MYO7A: variants seen among roughly 807,000 people sequenced by gnomAD.
MYO7A encodes myosin VIIA, also known as unconventional myosin-VIIa.
A neutral mutation model predicts 263.8 loss-of-function variants in MYO7A; 210 were observed. The observed-to-expected ratio is 0.80, with a 90% CI of 0.71 to 0.89. MYO7A has a LOEUF of 0.89. Ranked by LOEUF, MYO7A falls within the 40% of genes least tolerant of loss-of-function variation. The pLI, the probability that MYO7A is intolerant of heterozygous loss-of-function variation, is 0.00. For missense variants in MYO7A, 2,820 were observed against 2,968.3 expected (o/e 0.95, Z 1.16); for synonymous variants, 1,239 against 1,197.3 (o/e 1.03, Z -0.72).
chr11:77,171,263 G>T (rs1555075796), intron 15 of MYO7A, among the ~76,000 whole-genome samples: 1 of 152,098 alleles, frequency 6.6e-6, no homozygotes, highest in African/African-American at 2.4e-5. Flanking sequence ...GTGTGTGTGT[G>T]CATGCGTATG....
intron 1 of MYO7A, among the ~76,000 whole-genome samples, chr11:77,128,995 C>G (rs1280380481): frequency 3.3e-5 from 5 of 152,174 alleles, no homozygotes; most frequent in Admixed American, 3.3e-4. Flanking sequence ...AGTCTATGCC[C>G]CCTGTTGTCA....
intron 34 of MYO7A, 87 bp downstream of exon 34, chr11:77,198,708 C>A: frequency 6.4e-7 from 1 of 1,571,480 alleles, no homozygotes; most frequent in Non-Finnish European, 8.6e-7. Flanking sequence ...AGTGAAGAGG[C>A]ATGAAGTGGC....
At chr11:77,184,333 G>C (rs1000052538) in intron 26 of MYO7A, among the ~76,000 whole-genome samples, 1 of 152,174 alleles carries the variant, frequency 6.6e-6, no homozygotes, top group African/African-American at 2.4e-5. Flanking sequence ...GCAGGGTATC[G>C]AGGAGGTGGC....
Position 77,142,792 on chromosome 11 carries a change from G to A in MYO7A, c.102G>A (p.Gly34=), listed in dbSNP as rs782400814. ...IGAVVKLCDS[G]QVQVVDDEDN... ...CGGTGGTGAAGCTCTGCGACTCTGG[G>A]CAGGTCCAGGTGGTGGATGATGAAG... Residue 34 remains glycine, a synonymous_variant, in exon 3 of 49, where the codon GGG becomes GGA. Coordinates refer to ENST00000409709, the MANE Select transcript of MYO7A (RefSeq NM_000260.4). 19 of 1,610,052 alleles carry A rather than the reference G, an allele frequency of 1.2e-5. No individual in the cohort carries two copies. Among genetic ancestry groups the A allele is most frequent in the Middle Eastern group, 1.6e-4 (1 of 6,080 alleles).
At chr11:77,149,071 A>G (rs1951784253) in intron 4 of MYO7A, among the ~76,000 whole-genome samples, 2 of 152,222 alleles carry the variant, frequency 1.3e-5, no homozygotes, top group South Asian at 4.1e-4. Context: ...CTCTAGCCCA[A>G]TAGCCCAGTT....
At chr11:77,193,215 TGAC>T (rs1307397797) in intron 31 of MYO7A, among the ~76,000 whole-genome samples, 1 of 134,546 alleles carries the variant, frequency 7.4e-6, no homozygotes. Flanking sequence ...TTGGTACTGA[TGAC>T]TATGGTAATA....
chr11:77,209,148 A>AGCCTC (rs1957691609), intron 44 of MYO7A: 1 of 243,006 alleles, frequency 4.1e-6, no homozygotes, highest in Admixed American at 5.0e-5. Context: ...TAGCATAGGC[A>AGCCTC]CCTGCAGGAA....
At position 77,203,237 on chromosome 11, in the gene MYO7A, G is replaced by A. The variant is rs755375339; in HGVS notation, c.5326+20G>A. 5 of 1,545,808 alleles carry A rather than the reference G, an allele frequency of 3.2e-6. No homozygotes were observed. Among genetic ancestry groups the A allele is most frequent in the Non-Finnish European group, 1.7e-6 (2 of 1,144,048 alleles). On this transcript the variant is annotated intron_variant, in intron 38 of 48. Transcript: ENST00000409709. ...TCATTGATATCCGTGCCACTGGGCT[G>A]TGCCCAGGGGAGCCAGGGACCGGGC...
chr11:77,130,218 G>C (rs1190114093), intron 1 of MYO7A, among the ~76,000 whole-genome samples: 1 of 152,240 alleles, frequency 6.6e-6, no homozygotes, highest in Non-Finnish European at 1.5e-5. Context: ...CTGAGTGCCG[G>C]AGATTAAGTC....
chr11:77,203,060 G>A lies in MYO7A; in HGVS notation c.5169G>A (p.Arg1723=). 3.2e-6 allele frequency: 5 copies of A among 1,547,782 alleles called. No individual in the cohort carries two copies. Among genetic ancestry groups the A allele is most frequent in the Non-Finnish European group, 4.4e-6 (5 of 1,146,616 alleles). The change falls in exon 38 of 49, where the codon AGG becomes AGA. Residue 1723 remains arginine, a splice_region_variant and synonymous_variant. Coordinates refer to ENST00000409709, the MANE Select transcript of MYO7A (RefSeq NM_000260.4). ...TLEEFSYDYF[R]PPPKHTLSRV... ...GCTGACGGTCCCTGTGCTGCGGCAG[G>A]CCCCCACCCAAGCACACGCTGAGCC...
At chr11:77,199,479 C>T (rs1956909765) in intron 34 of MYO7A, 56 bp from the exon 35 acceptor site, 5 of 1,431,280 alleles carry the variant, frequency 3.5e-6, no homozygotes, top group Non-Finnish European at 4.6e-6. Context: ...CTGAGCTGGG[C>T]CACGTCTCCC....
At chr11:77,204,753 C>G (rs1023981495) in intron 39 of MYO7A, among the ~76,000 whole-genome samples, 1 of 152,226 alleles carries the variant, frequency 6.6e-6, no homozygotes, top group Non-Finnish European at 1.5e-5. Context: ...TCTCTCCTTA[C>G]ACCCAGCCCC....
chr11:77,182,081 C>T lies in MYO7A; in HGVS notation c.3035C>T (p.Thr1012Ile), dbSNP rs1955274062. Residue 1012 changes from threonine (T) to isoleucine (I), a missense_variant, in exon 24 of 49, where the codon ACA becomes ATA. By Grantham distance (89) the Thr-to-Ile change is moderately conservative (BLOSUM62 -1). Coordinates refer to ENST00000409709, the MANE Select transcript of MYO7A (RefSeq NM_000260.4). ...TTCGCGGCCACCTACTTCCAGGGGA[C>T]AACCACGCACTCCTACACCCGGCGG... Reference protein sequence around the residue: ...AKFAATYFQGTTTHSYTRRPL... With the variant: ...AKFAATYFQGITTHSYTRRPL... 1 of 1,613,480 alleles carries T rather than the reference C, an allele frequency of 6.2e-7. No individual in the cohort carries two copies. Among genetic ancestry groups the T allele is most frequent in the Non-Finnish European group, 8.5e-7 (1 of 1,179,882 alleles).
chr11:77,203,214 A>G lies in MYO7A; in HGVS notation c.5323A>G (p.Ile1775Val), dbSNP rs1399287548. Residue 1775 changes from isoleucine (I) to valine (V), a missense_variant, in exon 38 of 49, where the codon ATT becomes GTT. Ile to Val is a conservative substitution (Grantham distance 29, BLOSUM62 3). Coordinates refer to ENST00000409709, the MANE Select transcript of MYO7A (RefSeq NM_000260.4). ...CTCGCAGGAGGCCTGCCTGGCCTTC[A>G]TTGATATCCGTGCCACTGGGCTGTG... ...ELSQEACLAFIAVLKYMGDYP... is the reference protein window; with the variant it reads ...ELSQEACLAFVAVLKYMGDYP... The G allele has an allele frequency of 1.3e-6, 2 of 1,553,074 alleles. No homozygotes were observed. Among genetic ancestry groups the G allele is most frequent in the East Asian group, 2.4e-5 (1 of 41,294 alleles).
chr11:77,189,055 G>A (rs568321332), intron 27 of MYO7A, among the ~76,000 whole-genome samples: 88 of 152,298 alleles, frequency 5.8e-4, no homozygotes, highest in African/African-American at 1.9e-3. Flanking sequence ...CTGTGGCTGC[G>A]GCTGCTGAGC....
chr11:77,177,754 C>T, intron 19 of MYO7A, 111 bp downstream of exon 19: 1 of 815,872 alleles, frequency 1.2e-6, no homozygotes, highest in Non-Finnish European at 2.0e-6. Flanking sequence ...AACGTGTTCA[C>T]CTATGAAACA....
intron 44 of MYO7A, among the ~76,000 whole-genome samples, chr11:77,210,674 C>T (rs551278769): frequency 1.3e-5 from 2 of 152,232 alleles, no homozygotes; most frequent in African/African-American, 4.8e-5. Flanking sequence ...CTAAGTTCCT[C>T]TGGTTTTGGG....
At chr11:77,168,871 C>T (rs1555074273) in intron 15 of MYO7A, among the ~76,000 whole-genome samples, 1 of 152,166 alleles carries the variant, frequency 6.6e-6, no homozygotes. Context: ...TACCTTGTGA[C>T]ACAACAGGGA....
Position 77,197,496 on chromosome 11 carries a change from A to G in MYO7A, c.4339A>G (p.Arg1447Gly). Residue 1447 changes from arginine to glycine, a missense_variant, in exon 33 of 49, where the codon AGG (arginine) becomes GGG (glycine). Coordinates refer to ENST00000409709, the MANE Select transcript of MYO7A (RefSeq NM_000260.4). ...AAHKKGIYAQ[R>G]RTDAQKVKED... Reference sequence around the variant, plus strand: ...CTCCTTCCAGGGGATTTATGCCCAGAGGAGAACTGATGCCCAGAAGGTCAA... The same window carrying G: ...CTCCTTCCAGGGGATTTATGCCCAGGGGAGAACTGATGCCCAGAAGGTCAA... 3.1e-6 allele frequency: 5 copies of G among 1,601,974 alleles called. No homozygotes were observed. Among genetic ancestry groups the G allele is most frequent in the Non-Finnish European group, 4.3e-6 (5 of 1,174,046 alleles).
Sources: allele counts gnomAD v4.1 joint callset (sites outside exome capture counted in the v4.1 genomes callset), GRCh38; gene constraint gnomAD v4.1.1; transcripts MANE v1.5; gene names NCBI Gene and HGNC (gene_info 2026-07-23, HGNC 2026-07-21).